The following CCDC77 variants were observed in gnomAD, a reference collection of about 807,000 sequenced individuals.
CCDC77 encodes the protein coiled-coil domain containing 77.
Under a neutral mutation model 66.8 loss-of-function variants are expected in CCDC77, and 56 were observed. The observed-to-expected ratio is 0.84, with a 90% confidence interval of 0.68 to 1.05. The LOEUF (loss-of-function observed/expected upper bound fraction) is 1.05. Among genes scored for constraint, CCDC77 ranks in the 50% least tolerant of loss-of-function variants. CCDC77 has a pLI of 0.00. For synonymous variants in CCDC77, 196 were observed against 195.2 expected, an observed-to-expected ratio of 1.00 and a Z score of -0.03; for missense variants, 570 against 576.8, an observed-to-expected ratio of 0.99 and a Z score of 0.12.
intron 1 of CCDC77, among the ~76,000 whole-genome samples, chr12:390,636 C>A (rs1315370633): frequency 6.6e-6 from 1 of 152,168 alleles, no homozygotes; most frequent in Non-Finnish European, 1.5e-5. Flanking sequence ...TGTAGCATCA[C>A]CTTTTCCCTG....
chr12:394,519 A>G (rs1197849763), intron 1 of CCDC77, among the ~76,000 whole-genome samples: 1 of 152,216 alleles, frequency 6.6e-6, no homozygotes, highest in East Asian at 1.9e-4. Flanking sequence ...CAAATGTCAA[A>G]GTGAACATGG....
intron 5 of CCDC77, among the ~76,000 whole-genome samples, chr12:422,236 C>A (rs1440985449): frequency 6.6e-6 from 1 of 152,014 alleles, no homozygotes; most frequent in Admixed American, 6.6e-5. Context: ...TTACAGTGCT[C>A]TTCTGTGTGT....
chr12:429,791 T>A (rs192444051), intron 6 of CCDC77, among the ~76,000 whole-genome samples: 75 of 151,982 alleles, frequency 4.9e-4, no homozygotes, highest in Non-Finnish European at 8.1e-4. Flanking sequence ...ATAAAAATTT[T>A]AAAAAAATTT....
intron 5 of CCDC77, among the ~76,000 whole-genome samples, chr12:423,484 T>TTTTTG (rs1565572223): frequency 1.8e-4 from 6 of 33,718 alleles, no homozygotes; most frequent in Non-Finnish European, 3.1e-4. Context: ...TTTGTGTTTT[T>TTTTTG]TTTTGTTTTG....
chr12:428,162 C>G (rs182985374), intron 5 of CCDC77, among the ~76,000 whole-genome samples: 1 of 152,102 alleles, frequency 6.6e-6, no homozygotes, highest in African/African-American at 2.4e-5. Flanking sequence ...CCATCAGCCC[C>G]GAAGAGCAAG....
intron 4 of CCDC77, among the ~76,000 whole-genome samples, chr12:416,344 GGTGT>G (rs1174833426): frequency 0.039 from 1,423 of 36,846 alleles, 128 homozygotes; most frequent in African/African-American, 0.11. Context: ...GGTGTGTGGG[GGTGT>G]GTGTGTGTGT....
intron 1 of CCDC77, among the ~76,000 whole-genome samples, chr12:392,938 G>A (rs1409722901): frequency 2.6e-5 from 4 of 151,660 alleles, no homozygotes; most frequent in Non-Finnish European, 5.9e-5. Context: ...GGTGAGAAGA[G>A]TGGCATTGGT....
At chr12:431,066 C>CAAAAAAAAAAAAAAAAAAAAAAAAAAA (rs372949107) in intron 7 of CCDC77, among the ~76,000 whole-genome samples, 1 of 105,608 alleles carries the variant, frequency 9.5e-6, no homozygotes, top group South Asian at 3.2e-4. Context: ...AGACTATCTC[C>CAAAAAAAAAAAAAAAAAAAAAAAAAAA]AAAAAAAAAA....
intron 2 of CCDC77, among the ~76,000 whole-genome samples, chr12:408,670 T>C (rs1326519342): frequency 6.6e-6 from 1 of 152,156 alleles, no homozygotes; most frequent in Non-Finnish European, 1.5e-5. Context: ...CCTCGCTCTA[T>C]GTACTGTTTC....
intron 5 of CCDC77, among the ~76,000 whole-genome samples, chr12:423,090 T>C (rs575111867): frequency 8.3e-4 from 118 of 141,544 alleles, no homozygotes; most frequent in African/African-American, 2.9e-3. Flanking sequence ...ATACCTGTTA[T>C]TTTCTTTTTT....
At chr12:403,335 C>CCT (rs1351179627) in intron 1 of CCDC77, among the ~76,000 whole-genome samples, 4 of 152,082 alleles carry the variant, frequency 2.6e-5, no homozygotes, top group Non-Finnish European at 5.9e-5. Flanking sequence ...AAACACTGTC[C>CCT]CTCGGCCTTA....
chr12:416,400 T>TATAC (rs1945281759), intron 4 of CCDC77, among the ~76,000 whole-genome samples: 1 of 61,458 alleles, frequency 1.6e-5, no homozygotes, highest in African/African-American at 4.7e-5. Context: ...TATATATATA[T>TATAC]ATATATATAT....
intron 10 of CCDC77, among the ~76,000 whole-genome samples, chr12:440,113 C>T (rs1202185370): frequency 6.6e-6 from 1 of 152,110 alleles, no homozygotes; most frequent in Non-Finnish European, 1.5e-5. Context: ...TTGGCAGCAG[C>T]CAGTTGTGGA....
intron 5 of CCDC77, among the ~76,000 whole-genome samples, chr12:423,943 C>T (rs1945483590): frequency 6.6e-6 from 1 of 152,008 alleles, no homozygotes; most frequent in Admixed American, 6.6e-5. Context: ...ATATTTTGCC[C>T]ATTTTAATAA....
Position 440,896 on chromosome 12 carries a change from A to C in CCDC77, c.1220A>C (p.Glu407Ala). The change falls in exon 12 of 13, where the codon GAG becomes GCG. Residue 407 changes from glutamate to alanine, a missense_variant. Transcript: ENST00000239830. The part of the protein sequence containing the change: ...KRLQIMTKRY[E>A]ALERRRILEV... ...TTACAGATAATGACAAAACGCTATG[A>C]GGCATTGGAGCGTCGACGTATCCTG... The C allele has an allele frequency of 1.9e-6, 3 of 1,613,884 alleles. No individual in the cohort carries two copies. The highest frequency in any genetic ancestry group is 1.7e-6 in the Non-Finnish European group (2 of 1,180,018).
chr12:436,686 T>G (rs780275348), intron 9 of CCDC77: 12 of 707,490 alleles, frequency 1.7e-5, no homozygotes, highest in Non-Finnish European at 2.1e-5. Flanking sequence ...TAGTAATTTG[T>G]AATTTTATAT....
intron 1 of CCDC77, among the ~76,000 whole-genome samples, chr12:396,623 A>C (rs1295922517): frequency 6.6e-6 from 1 of 152,136 alleles, no homozygotes; most frequent in East Asian, 1.9e-4. Flanking sequence ...TGTATTTCCA[A>C]TTAGGGAGAT....
chr12:392,445 C>T (rs553175200), intron 1 of CCDC77, among the ~76,000 whole-genome samples: 3 of 152,054 alleles, frequency 2.0e-5, no homozygotes, highest in Admixed American at 6.6e-5. Context: ...GACGCCTTTA[C>T]TCTTAAAAAT....
At chr12:422,670 A>G (rs1400793499) in intron 5 of CCDC77, among the ~76,000 whole-genome samples, 1 of 152,240 alleles carries the variant, frequency 6.6e-6, no homozygotes, top group African/African-American at 2.4e-5. Context: ...TTCATCCACC[A>G]GTGGAGCTCA....
Sources: allele counts gnomAD v4.1 joint callset (sites outside exome capture counted in the v4.1 genomes callset), GRCh38; gene constraint gnomAD v4.1.1; transcripts MANE v1.5; gene names NCBI Gene and HGNC (gene_info 2026-07-23, HGNC 2026-07-21).